The following ANKS1B variants were observed in gnomAD, a reference collection of about 807,000 sequenced individuals.
ANKS1B encodes the protein ankyrin repeat and sterile alpha motif domain containing 1B.
ANKS1B carries 36 observed loss-of-function variants against 148.3 expected under a neutral mutation model. The observed-to-expected ratio is 0.24, with a 90% CI of 0.19 to 0.32. The LOEUF (loss-of-function observed/expected upper bound fraction) is 0.32, where lower values mean the gene tolerates loss of function less well. Ranked by LOEUF, ANKS1B falls within the 10% of genes least tolerant of loss-of-function variation. ANKS1B has a pLI of 1.00. For missense variants in ANKS1B, 1,157 were observed against 1,542.6 expected, an observed-to-expected ratio of 0.75 and a Z score of 4.19; for synonymous variants, 542 against 560.8, an observed-to-expected ratio of 0.97 and a Z score of 0.47.
At chr12:99,673,394 T>C (rs2098547456) in intron 8 of ANKS1B, among the ~76,000 whole-genome samples, 1 of 152,034 alleles carries the variant, frequency 6.6e-6, no homozygotes, top group African/African-American at 2.4e-5. Flanking sequence ...AGATACTTTG[T>C]TTTTACATCC....
chr12:99,090,313 C>A (rs552712423), intron 15 of ANKS1B, among the ~76,000 whole-genome samples: 13 of 152,192 alleles, frequency 8.5e-5, no homozygotes, highest in African/African-American at 2.9e-4. Flanking sequence ...AGCAAGCTTT[C>A]CTTCATATTA....
intron 16 of ANKS1B, among the ~76,000 whole-genome samples, chr12:99,064,060 C>G (rs1007469586): frequency 3.9e-5 from 6 of 152,158 alleles, no homozygotes; most frequent in African/African-American, 1.4e-4. Flanking sequence ...TTTTTCCCAC[C>G]ACTGACTGAG....
intron 1 of ANKS1B, among the ~76,000 whole-genome samples, chr12:99,974,958 T>C (rs550263604): frequency 3.9e-5 from 6 of 152,208 alleles, no homozygotes; most frequent in African/African-American, 1.4e-4. Flanking sequence ...TGGCAGGAGT[T>C]TGAGGAACAG....
intron 15 of ANKS1B, among the ~76,000 whole-genome samples, chr12:99,097,843 C>G (rs2056711456): frequency 6.6e-6 from 1 of 152,184 alleles, no homozygotes; most frequent in Non-Finnish European, 1.5e-5. Flanking sequence ...GGCATCTGTT[C>G]TGGAGGTTCT....
chr12:99,893,104 G>A (rs1034071403), intron 1 of ANKS1B, among the ~76,000 whole-genome samples: 1 of 151,810 alleles, frequency 6.6e-6, no homozygotes, highest in African/African-American at 2.4e-5. Context: ...GGTTCAGGGG[G>A]TTGATTTAAA....
At chr12:98,909,681 C>T (rs1216228463) in intron 17 of ANKS1B, among the ~76,000 whole-genome samples, 2 of 152,172 alleles carry the variant, frequency 1.3e-5, no homozygotes, top group Admixed American at 1.3e-4. Context: ...AACTCGTTAT[C>T]CCTTAGATAA....
At chr12:99,818,490 G>C (rs1445826025) in intron 2 of ANKS1B, among the ~76,000 whole-genome samples, 1 of 151,794 alleles carries the variant, frequency 6.6e-6, no homozygotes, top group Non-Finnish European at 1.5e-5. Flanking sequence ...GAAATATTAA[G>C]TTACATTGCT....
chr12:99,459,053 A>G (rs1353003685), intron 10 of ANKS1B, among the ~76,000 whole-genome samples: 1 of 152,096 alleles, frequency 6.6e-6, no homozygotes, highest in Non-Finnish European at 1.5e-5. Flanking sequence ...TATCAAAAAG[A>G]TAATCCACCA....
chr12:99,717,158 G>A (rs1333882048), intron 8 of ANKS1B, among the ~76,000 whole-genome samples: 2 of 152,014 alleles, frequency 1.3e-5, no homozygotes, highest in Non-Finnish European at 2.9e-5. Context: ...GACCCTAAAA[G>A]GTCAAAAGGC....
chr12:99,103,231 C>T (rs2058400240), intron 15 of ANKS1B, among the ~76,000 whole-genome samples: 1 of 152,112 alleles, frequency 6.6e-6, no homozygotes, highest in Non-Finnish European at 1.5e-5. Flanking sequence ...GAGGTCAATG[C>T]CACTGTGTCA....
intron 12 of ANKS1B, among the ~76,000 whole-genome samples, chr12:99,292,669 C>A (rs994465104): frequency 2.0e-5 from 3 of 152,144 alleles, no homozygotes; most frequent in East Asian, 1.9e-4. Flanking sequence ...AAAGAAACTA[C>A]CCCATCAAAA....
intron 14 of ANKS1B, among the ~76,000 whole-genome samples, chr12:99,231,259 T>C (rs1464700764): frequency 1.3e-5 from 2 of 152,256 alleles, no homozygotes; most frequent in African/African-American, 2.4e-5. Context: ...CTGGTAGTTA[T>C]GCTTTGCTAA....
intron 9 of ANKS1B, among the ~76,000 whole-genome samples, chr12:99,645,405 G>T (rs1384528505): frequency 6.6e-6 from 1 of 152,098 alleles, no homozygotes; most frequent in African/African-American, 2.4e-5. Context: ...AAAGTATGTA[G>T]TAGTTTTGTT....
In ANKS1B at chr12:99,168,857, T is replaced by C. The variant is rs1020742020; in HGVS notation, c.2420-14462A>G. Among the ~76,000 whole-genome samples, 6 of 152,152 alleles carry C rather than the reference T, an allele frequency of 3.9e-5. 1 individual carries two copies. The highest frequency in any genetic ancestry group is 1.2e-4 in the African/African-American group (5 of 41,432). ...GCATAGCCATTGAAGTCCTAGGAGA[T>C]TGAGATAAATGTGTTATTTCAGGAC... On this transcript the variant is annotated intron_variant, in intron 14 of 26. Transcript: ENST00000683438.
At chr12:99,281,594 A>G (rs2078462923) in intron 12 of ANKS1B, among the ~76,000 whole-genome samples, 1 of 152,210 alleles carries the variant, frequency 6.6e-6, no homozygotes, top group Non-Finnish European at 1.5e-5. Flanking sequence ...ATTAGCAAGC[A>G]CCAGCATACT....
chr12:99,561,612 T>A (rs993403444), intron 9 of ANKS1B, among the ~76,000 whole-genome samples: 3 of 152,156 alleles, frequency 2.0e-5, no homozygotes, highest in African/African-American at 4.8e-5. Context: ...GAAACCACTT[T>A]TTTTTTTGCT....
chr12:98,956,464 C>T (rs1299524976), intron 17 of ANKS1B: 2 of 152,194 alleles, frequency 1.3e-5, no homozygotes, highest in Non-Finnish European at 2.9e-5. Context: ...AGGCTTTCTT[C>T]TGTCCATAAA....
intron 22 of ANKS1B, among the ~76,000 whole-genome samples, chr12:98,797,612 TTAAG>T (rs1176008568): frequency 5.9e-5 from 9 of 152,196 alleles, no homozygotes; most frequent in Admixed American, 4.6e-4. Flanking sequence ...TACTGACAAT[TTAAG>T]TACTGTCTAA....
At chr12:99,045,526 A>G (rs1568536406) in intron 17 of ANKS1B, among the ~76,000 whole-genome samples, 1 of 152,236 alleles carries the variant, frequency 6.6e-6, no homozygotes, top group African/African-American at 2.4e-5. Context: ...GGAGCTTTTA[A>G]GACCTCCTGA....
Sources: allele counts gnomAD v4.1 joint callset (sites outside exome capture counted in the v4.1 genomes callset), GRCh38; gene constraint gnomAD v4.1.1; transcripts MANE v1.5; gene names NCBI Gene and HGNC (gene_info 2026-07-23, HGNC 2026-07-21).